Variants in CREM observed in about 807,000 individuals in gnomAD.
The protein encoded by CREM is cAMP-responsive element modulator.
A neutral mutation model predicts 37.3 loss-of-function variants in CREM; 13 were observed. The observed-to-expected ratio is 0.35, with a 90% CI of 0.23 to 0.55. The LOEUF (loss-of-function observed/expected upper bound fraction) is 0.55, where lower values mean the gene tolerates loss of function less well. CREM is among the 20% of genes least tolerant of loss of function. The pLI, the probability that CREM is intolerant of heterozygous loss-of-function variation, is 0.88. For synonymous variants in CREM, 124 were observed against 120.2 expected, an observed-to-expected ratio of 1.03 and a Z score of -0.21; for missense variants, 296 against 362.3, an observed-to-expected ratio of 0.82 and a Z score of 1.49.
intron 5 of CREM, among the ~76,000 whole-genome samples, chr10:35,185,635 G>T (rs1429735697): frequency 1.3e-5 from 2 of 152,102 alleles, no homozygotes; most frequent in African/African-American, 4.8e-5. Flanking sequence ...TTTACTATGA[G>T]GGCTGAATCC....
chr10:35,210,147 C>T (rs1343925857), intron 7 of CREM, among the ~76,000 whole-genome samples: 6 of 151,430 alleles, frequency 4.0e-5, no homozygotes, highest in Admixed American at 1.3e-4. Flanking sequence ...TTTAGACATT[C>T]AACACTGCTT....
intron 6 of CREM, among the ~76,000 whole-genome samples, chr10:35,198,418 G>A (rs2095281031): frequency 1.3e-5 from 2 of 151,680 alleles, no homozygotes; most frequent in African/African-American, 4.8e-5. Context: ...AGCTACTCGG[G>A]AAGCTGAGGC....
At chr10:35,171,124 C>G (rs1589848186) in intron 3 of CREM, 1 of 137,198 alleles carries the variant, frequency 7.3e-6, no homozygotes, top group South Asian at 2.5e-4. Context: ...TTAGCGGGTA[C>G]AAGTTCTTTT....
At chr10:35,211,110 C>A (rs1402361347) in intron 7 of CREM, 144 bp from the exon 8 acceptor site, 1 of 700,426 alleles carries the variant, frequency 1.4e-6, no homozygotes, top group Non-Finnish European at 2.2e-6. Context: ...AAAGCATGTG[C>A]CTGGTTATGT....
In CREM at chr10:35,127,010, C is replaced by G. The variant is rs562034867; in HGVS notation, c.-238C>G. On this transcript the variant is annotated 5_prime_UTR_variant, in exon 1 of 8. Transcript: ENST00000685392. ...GGTCGGCTGCAGCGCTACTTTTGGT[C>G]CGGGGTCGGCAGGGAGGCCGCGGCT... 241 of 152,638 alleles carry G rather than the reference C, an allele frequency of 1.6e-3. No homozygotes were observed. The highest frequency in any genetic ancestry group is 6.8e-3 in the Middle Eastern group (2 of 296). The allele number at this position is 152,638 out of a possible 1,614,324, so 9.5% of individuals were successfully genotyped here.
intron 5 of CREM, among the ~76,000 whole-genome samples, chr10:35,185,561 A>T (rs2094523652): frequency 6.6e-6 from 1 of 152,260 alleles, no homozygotes; most frequent in African/African-American, 2.4e-5. Context: ...CAAGGGGCCA[A>T]GAAAGCAGTG....
chr10:35,137,428 A>C (rs1385750656), intron 1 of CREM, among the ~76,000 whole-genome samples: 1 of 152,196 alleles, frequency 6.6e-6, no homozygotes, highest in Non-Finnish European at 1.5e-5. Context: ...TAGAGCTGAT[A>C]CCTATGAGCT....
chr10:35,147,357 T>C (rs1043214241), intron 2 of CREM, among the ~76,000 whole-genome samples: 3 of 152,050 alleles, frequency 2.0e-5, no homozygotes, highest in Non-Finnish European at 4.4e-5. Flanking sequence ...CCGGCCTCTA[T>C]AGGTTTTTAA....
chr10:35,175,496 T>G, intron 3 of CREM: 1 of 592,916 alleles, frequency 1.7e-6, no homozygotes. Context: ...TCTGAAGAAG[T>G]TAGAGGGTAG....
intron 3 of CREM, among the ~76,000 whole-genome samples, chr10:35,176,670 A>G (rs538062216): frequency 6.2e-4 from 95 of 152,160 alleles, no homozygotes; most frequent in Middle Eastern, 3.4e-3. Flanking sequence ...CGGCTTCCCA[A>G]AGTGCTGGGA....
intron 6 of CREM, among the ~76,000 whole-genome samples, chr10:35,198,392 A>T (rs1353502413): frequency 6.6e-6 from 1 of 151,956 alleles, no homozygotes; most frequent in Admixed American, 6.6e-5. Flanking sequence ...GCGTGGTGGC[A>T]CGCGCCTGTA....
chr10:35,138,031 A>C, intron 2 of CREM, 152 bp downstream of exon 2: 1 of 476,074 alleles, frequency 2.1e-6, no homozygotes, highest in Non-Finnish European at 3.4e-6. Flanking sequence ...CATTCACTTA[A>C]GGCACCATCT....
chr10:35,157,635 C>CAAA (rs71523362), intron 3 of CREM, among the ~76,000 whole-genome samples: 4 of 87,114 alleles, frequency 4.6e-5, no homozygotes, highest in African/African-American at 1.7e-4. Context: ...GACCCTGTCT[C>CAAA]AAAAAAAAAA....
chr10:35,143,046 C>T (rs2091639038), intron 2 of CREM, among the ~76,000 whole-genome samples: 1 of 152,220 alleles, frequency 6.6e-6, no homozygotes, highest in Non-Finnish European at 1.5e-5. Flanking sequence ...TCTTGGCTTA[C>T]TGCAACCTCC....
In CREM at chr10:35,196,150, A is replaced by G. The variant is rs1180610335; in HGVS notation, c.598+7762A>G. On this transcript the variant is annotated intron_variant, in intron 6 of 7. Transcript: ENST00000685392. ...CGTCCCTGCATGCGCCTGGTGAGAA[A>G]TGGATTATGTATTGTATAAGCTGGC... The G allele has an allele frequency of 1.9e-6, 3 of 1,592,534 alleles. No individual in the cohort carries two copies. The South Asian group carries it at 3.3e-5, about 18-fold the overall frequency.
chr10:35,198,887 C>T (rs145103989), intron 6 of CREM, among the ~76,000 whole-genome samples: 1,776 of 151,902 alleles, frequency 0.012, 22 homozygotes, highest in Non-Finnish European at 0.019. Flanking sequence ...TGGTGGCTTA[C>T]GCCTGTAATC....
intron 5 of CREM, among the ~76,000 whole-genome samples, chr10:35,181,517 G>T (rs1055765911): frequency 2.6e-5 from 4 of 152,070 alleles, no homozygotes; most frequent in Non-Finnish European, 5.9e-5. Flanking sequence ...TGTGTCTGTG[G>T]GGGGGATGAG....
intron 3 of CREM, chr10:35,154,201 A>G: frequency 2.5e-6 from 1 of 397,038 alleles, no homozygotes; most frequent in Admixed American, 4.4e-5. Flanking sequence ...CTGGTGGAAA[A>G]TTGGAATGGC....
At chr10:35,163,130 C>G (rs1203945609) in intron 3 of CREM, among the ~76,000 whole-genome samples, 1 of 151,906 alleles carries the variant, frequency 6.6e-6, no homozygotes, top group Non-Finnish European at 1.5e-5. Context: ...CTCTTGAGCC[C>G]TGGAGGTTGA....
Sources: allele counts gnomAD v4.1 joint callset (sites outside exome capture counted in the v4.1 genomes callset), GRCh38; gene constraint gnomAD v4.1.1; transcripts MANE v1.5; gene names NCBI Gene and HGNC (gene_info 2026-07-23, HGNC 2026-07-21).